The following ORC4 variants were observed in gnomAD, a reference collection of about 807,000 sequenced individuals.
The protein encoded by ORC4 is origin recognition complex subunit 4, also known as origin recognition complex, subunit 4 homolog.
In ORC4, 55 loss-of-function variants were observed where a neutral mutation model predicts 63.9. The ratio of observed to expected loss-of-function variants is 0.86; its 90% CI spans 0.69 to 1.08. The LOEUF (loss-of-function observed/expected upper bound fraction) is 1.08. Among genes scored for constraint, ORC4 ranks in the 50% least tolerant of loss-of-function variants. The probability of loss-of-function intolerance (pLI) is 0.00; values close to 1 mark genes in which losing one functional copy is unlikely to be tolerated. For missense variants in ORC4, 511 were observed against 504.4 expected (o/e 1.01, Z -0.13); for synonymous variants, 150 against 168.5 (o/e 0.89, Z 0.85).
At chr2:147,945,135 A>G (rs1464301561) in intron 9 of ORC4, among the ~76,000 whole-genome samples, 5 of 152,114 alleles carry the variant, frequency 3.3e-5, no homozygotes, top group African/African-American at 1.2e-4. Flanking sequence ...TTGATGTGGT[A>G]AAATCGGAGC....
chr2:147,986,632 T>C (rs944101449), intron 1 of ORC4, among the ~76,000 whole-genome samples: 1 of 152,150 alleles, frequency 6.6e-6, no homozygotes, highest in Non-Finnish European at 1.5e-5. Context: ...GTAACAGGTA[T>C]AGCCTTATCA....
At chr2:148,017,844 T>C (rs1398549510) in intron 1 of ORC4, among the ~76,000 whole-genome samples, 2 of 152,232 alleles carry the variant, frequency 1.3e-5, no homozygotes, top group Non-Finnish European at 2.9e-5. Context: ...AGTTCCTCAG[T>C]CATACTAGCC....
chr2:147,988,050 C>T lies in ORC4; in HGVS notation c.-17-12075G>A, dbSNP rs978036851. ...CCTGGGCAACAGAGCGAGACTCTGT[C>T]TCAAAAAAAAAAAAAAAAGAAAGTA... On this transcript the variant is annotated intron_variant, in intron 1 of 13. Coordinates refer to ENST00000392857, the MANE Select transcript of ORC4 (RefSeq NM_181741.4). Among the ~76,000 whole-genome samples the T allele has an allele frequency of 3.6e-5, 5 of 138,794 alleles. No individual in the cohort carries two copies. In the East Asian group the frequency reaches 1.1e-3, roughly 30 times the overall value. 91.1% of individuals were successfully genotyped at this position (138,794 alleles called of 152,430 possible).
intron 4 of ORC4, among the ~76,000 whole-genome samples, chr2:147,964,760 T>C (rs1402282338): frequency 1.3e-5 from 2 of 151,044 alleles, no homozygotes; most frequent in African/African-American, 2.4e-5. Context: ...AGCAGATTTC[T>C]TTTTTTTAAT....
In ORC4 at chr2:147,931,154, A is replaced by G. The variant is rs1191911737; in HGVS notation, c.*4356T>C. On this transcript the variant is annotated 3_prime_UTR_variant, in exon 14 of 14. Transcript: ENST00000392857. ...AGTTTACTGAGAATGATGATTTCCAATTTCATCCATGTCCCTACAAAGGAC... is the reference window on the plus strand; with the variant it reads ...AGTTTACTGAGAATGATGATTTCCAGTTTCATCCATGTCCCTACAAAGGAC... The G allele has an allele frequency of 2.7e-5, 4 of 149,694 alleles. No homozygotes were observed. The highest frequency in any genetic ancestry group is 2.0e-4 in the East Asian group (1 of 5,120). The allele number at this position is 149,694 out of a possible 1,614,324, so 9.3% of individuals were successfully genotyped here.
At chr2:147,998,578 T>C (rs773576512) in intron 1 of ORC4, among the ~76,000 whole-genome samples, 1 of 152,208 alleles carries the variant, frequency 6.6e-6, no homozygotes, top group Non-Finnish European at 1.5e-5. Flanking sequence ...CACCGTGTTG[T>C]GAAGTATGAA....
In ORC4 at chr2:147,964,644, C is replaced by A. The variant is rs1689793991; in HGVS notation, c.226-5778G>T. ...GGTCTTCTCTGAGGCATATTATAGT[C>A]AAATTGTTAAAAGTCACAGACAAAT... On this transcript the variant is annotated intron_variant, in intron 4 of 13. Transcript: ENST00000392857. Among the ~76,000 whole-genome samples the A allele has an allele frequency of 2.0e-5, 3 of 152,148 alleles. No homozygotes were observed. In the South Asian group the frequency reaches 6.2e-4, roughly 31 times the overall value.
intron 1 of ORC4, among the ~76,000 whole-genome samples, chr2:147,980,425 G>A (rs951503962): frequency 4.6e-5 from 7 of 151,924 alleles, no homozygotes; most frequent in East Asian, 3.9e-4. Flanking sequence ...TGGTATCTCA[G>A]GGGAGTCCTG....
intron 4 of ORC4, among the ~76,000 whole-genome samples, chr2:147,962,799 C>T (rs1391730951): frequency 2.0e-5 from 3 of 151,982 alleles, no homozygotes; most frequent in African/African-American, 4.8e-5. Flanking sequence ...TACCGTGCAC[C>T]CCTCCCTCCC....
Position 147,943,426 on chromosome 2 carries a change from T to C in ORC4, c.849+10A>G. The C allele has an allele frequency of 6.4e-7, 1 of 1,555,058 alleles. No individual in the cohort carries two copies. Among genetic ancestry groups the C allele is most frequent in the Non-Finnish European group, 8.9e-7 (1 of 1,127,286 alleles). On this transcript the variant is annotated intron_variant, in intron 10 of 13. Coordinates refer to ENST00000392857, the MANE Select transcript of ORC4 (RefSeq NM_181741.4). ...AAAGCAACAAGCAATAAAACAAAAC[T>C]AATACAAACCAATAGCATGTGTAAT...
intron 13 of ORC4, 148 bp downstream of exon 13, chr2:147,937,996 AAT>A: frequency 1.5e-6 from 1 of 680,004 alleles, no homozygotes; most frequent in Non-Finnish European, 2.6e-6. Context: ...ATTTTTCCAA[AAT>A]ATTTCATTTT....
intron 4 of ORC4, chr2:147,960,186 A>G (rs1364033305): frequency 6.1e-6 from 5 of 815,516 alleles, no homozygotes; most frequent in South Asian, 5.6e-5. Flanking sequence ...CTTCCATTTT[A>G]TATATGCATA....
Position 147,939,163 on chromosome 2 carries a change from T to A in ORC4, c.935A>T (p.Asp312Val). The A allele has an allele frequency of 6.2e-7, 1 of 1,610,062 alleles. No homozygotes were observed. Among genetic ancestry groups the A allele is most frequent in the South Asian group, 1.1e-5 (1 of 91,002 alleles). ...ACCATGTACAATATTTGCTTTCGAG[T>A]CCATGCTACACAGTTGGCTTGCTTC... Reference protein sequence around the residue: ...LMEASQLCSMDSKANIVHGLS... With the variant: ...LMEASQLCSMVSKANIVHGLS... The change falls in exon 11 of 14, where the codon GAC (aspartate) becomes GTC (valine). Residue 312 changes from aspartate to valine, a missense_variant. Asp to Val is a radical substitution (Grantham distance 152). Coordinates refer to ENST00000392857, the MANE Select transcript of ORC4 (RefSeq NM_181741.4).
intron 1 of ORC4, among the ~76,000 whole-genome samples, chr2:147,998,424 G>A (rs1692106986): frequency 6.6e-6 from 1 of 152,214 alleles, no homozygotes. Flanking sequence ...TCTGGAGTTA[G>A]TGTGTTCTGG....
Position 147,952,480 on chromosome 2 carries a change from A to C in ORC4, c.481T>G (p.Phe161Val), listed in dbSNP as rs765288498. ...SCPVIFILDE[F>V]DLFAHHKNQT... ...TTTTTATGATGAGCAAAAAGATCAA[A>C]TTCATCTAATATGAAGATCACTGGG... The change falls in exon 8 of 14, where the codon TTT (phenylalanine) becomes GTT (valine). Residue 161 changes from phenylalanine to valine, a missense_variant. Phe to Val is a conservative substitution (Grantham distance 50). Coordinates refer to ENST00000392857, the MANE Select transcript of ORC4 (RefSeq NM_181741.4). The C allele has an allele frequency of 5.6e-6, 9 of 1,611,898 alleles. No individual in the cohort carries two copies. In the South Asian group the frequency reaches 9.9e-5, roughly 18 times the overall value.
chr2:147,992,385 T>C (rs1691671756), intron 1 of ORC4, among the ~76,000 whole-genome samples: 1 of 152,052 alleles, frequency 6.6e-6, no homozygotes, highest in South Asian at 2.1e-4. Context: ...GCCTCCTAAA[T>C]AGCTGGGATT....
Position 147,933,957 on chromosome 2 carries a change from G to A in ORC4, c.*1553C>T, listed in dbSNP as rs1687913124. The A allele has an allele frequency of 3.3e-5, 5 of 152,242 alleles. No homozygotes were observed. Among genetic ancestry groups the A allele is most frequent in the Admixed American group, 3.3e-4 (5 of 15,272 alleles). 9.4% of individuals were successfully genotyped at this position (152,242 alleles called of 1,614,324 possible). On this transcript the variant is annotated 3_prime_UTR_variant, in exon 14 of 14. Transcript: ENST00000392857. ...AAGAATAGGTTGTAACTACTGAAGA[G>A]CTACTTTATGCTCAGAAACCTTTTA...
At position 147,943,530 on chromosome 2, in the gene ORC4, G is replaced by GAAAAAAAAAAAAAAAAAAAAAAAAAAAA; in HGVS notation, c.763-9_763-8insTTTTTTTTTTTTTTTTTTTTTTTTTTTT. 8.6e-7 allele frequency: 1 copy of GAAAAAAAAAAAAAAAAAAAAAAAAAAAA among 1,168,468 alleles called. No homozygotes were observed. The highest frequency in any genetic ancestry group is 1.2e-6 in the Non-Finnish European group (1 of 809,370). The allele number at this position is 1,168,468 out of a possible 1,614,324, so 72.4% of individuals were successfully genotyped here. Reference sequence around the variant, plus strand: ...TCTATCTTCTGAGAGATACTAAAAGGAAAAAAAAAAAAAAAGCCAAAATTG... The same window carrying GAAAAAAAAAAAAAAAAAAAAAAAAAAAA: ...TCTATCTTCTGAGAGATACTAAAAGGAAAAAAAAAAAAAAAAAAAAAAAAAAAAAAAAAAAAAAAAAAAGCCAAAATTG... On this transcript the variant is annotated splice_polypyrimidine_tract_variant and intron_variant, in intron 9 of 13. Coordinates refer to ENST00000392857, the MANE Select transcript of ORC4 (RefSeq NM_181741.4).
chr2:147,941,903 A>G (rs1054608306), intron 10 of ORC4, among the ~76,000 whole-genome samples: 42 of 152,062 alleles, frequency 2.8e-4, no homozygotes, highest in African/African-American at 1.0e-3. Flanking sequence ...ATAGGGATAA[A>G]AAGACTTAAA....
Sources: allele counts gnomAD v4.1 joint callset (sites outside exome capture counted in the v4.1 genomes callset), GRCh38; gene constraint gnomAD v4.1.1; transcripts MANE v1.5; gene names NCBI Gene and HGNC (gene_info 2026-07-23, HGNC 2026-07-21).